The following GLIS3 variants were observed in gnomAD, a reference collection of about 807,000 sequenced individuals.
GLIS3 encodes GLIS family zinc finger 3.
GLIS3 carries 53 observed loss-of-function variants against 78.6 expected under a neutral mutation model. The observed-to-expected ratio is 0.67, with a 90% CI of 0.54 to 0.85. The LOEUF is 0.85. GLIS3 is among the 40% of genes least tolerant of loss of function. GLIS3 has a pLI of 0.00. For missense variants in GLIS3, 1,703 were observed against 1,231.1 expected (o/e 1.38, Z -5.74); for synonymous variants, 684 against 509.9 (o/e 1.34, Z -4.60).
At chr9:4,334,480 T>C (rs1274015684) in intron 2 of GLIS3, among the ~76,000 whole-genome samples, 5 of 152,180 alleles carry the variant, frequency 3.3e-5, no homozygotes, top group Non-Finnish European at 5.9e-5. Flanking sequence ...AAATGCATGT[T>C]CATTAATCAG....
chr9:3,847,527 C>T (rs1819134864), intron 9 of GLIS3, among the ~76,000 whole-genome samples: 2 of 152,242 alleles, frequency 1.3e-5, no homozygotes, highest in African/African-American at 4.8e-5. Context: ...AAACATAGCA[C>T]ATTAATATGG....
intron 2 of GLIS3, among the ~76,000 whole-genome samples, chr9:4,183,312 C>T (rs1586904713): frequency 6.6e-6 from 1 of 152,188 alleles, no homozygotes; most frequent in Admixed American, 6.5e-5. Flanking sequence ...AAGGATGCAA[C>T]ATTAACCATA....
intron 8 of GLIS3, among the ~76,000 whole-genome samples, chr9:3,869,395 C>T (rs550495693): frequency 9.2e-5 from 14 of 152,100 alleles, no homozygotes; most frequent in South Asian, 2.1e-4. Context: ...GTTGTTCAGA[C>T]GCTACATATA....
intron 4 of GLIS3, among the ~76,000 whole-genome samples, chr9:4,012,745 G>A (rs1481097249): frequency 1.4e-5 from 2 of 144,584 alleles, no homozygotes. Flanking sequence ...ACATATCTCT[G>A]GTTTCTTTTT....
intron 2 of GLIS3, among the ~76,000 whole-genome samples, chr9:4,324,111 C>T (rs1290518999): frequency 6.6e-6 from 1 of 152,186 alleles, no homozygotes; most frequent in East Asian, 1.9e-4. Context: ...CTATGTAACT[C>T]CTGCACACAT....
chr9:3,892,220 C>G (rs1005705990), intron 7 of GLIS3, among the ~76,000 whole-genome samples: 11 of 151,886 alleles, frequency 7.2e-5, no homozygotes, highest in Non-Finnish European at 1.3e-4. Context: ...CAGGTCACAG[C>G]TAGAAATAGG....
At chr9:4,473,968 T>A in the GLIS3 span, among the ~76,000 whole-genome samples, 3 of 152,132 alleles carry the variant, frequency 2.0e-5, no homozygotes, top group African/African-American at 7.2e-5. Context: ...GCTTCATGTA[T>A]TAGAAGGCTC....
intron 4 of GLIS3, among the ~76,000 whole-genome samples, chr9:4,117,098 G>C (rs907281905): frequency 2.0e-5 from 3 of 152,150 alleles, no homozygotes; most frequent in Admixed American, 6.5e-5. Context: ...ACTTCCCTCA[G>C]CACCAAAGGC....
At chr9:3,923,164 G>C (rs1371387231) in intron 6 of GLIS3, among the ~76,000 whole-genome samples, 2 of 152,182 alleles carry the variant, frequency 1.3e-5, no homozygotes, top group African/African-American at 4.8e-5. Flanking sequence ...TAATTGCCTT[G>C]TCTCCTTTCA....
rs151006042 is a variant in GLIS3 at position 4,257,238 on chromosome 9, GAGAA to G, written c.388+28796_388+28799del. On this transcript the variant is annotated intron_variant, in intron 2 of 10. Transcript: ENST00000381971. Reference sequence around the variant, plus strand: ...TATTATGCTAAGTATAAGCCACACAGAGAAAGAAAAATAGTGCATGATCTCATAT... The same window carrying G: ...TATTATGCTAAGTATAAGCCACACAGAGAAAAATAGTGCATGATCTCATAT... Among the ~76,000 whole-genome samples the G allele has an allele frequency of 9.2e-5, 14 of 152,144 alleles. No individual in the cohort carries two copies. The East Asian group carries it at 2.7e-3, about 29-fold the overall frequency.
At chr9:3,869,362 C>G (rs867594044) in intron 8 of GLIS3, among the ~76,000 whole-genome samples, 49 of 152,078 alleles carry the variant, frequency 3.2e-4, no homozygotes, top group African/African-American at 1.1e-3. Flanking sequence ...GAAAGAACAG[C>G]AAAGCAACAG....
intron 2 of GLIS3, among the ~76,000 whole-genome samples, chr9:4,195,253 G>A (rs572119508): frequency 4.5e-4 from 50 of 112,112 alleles, no homozygotes; most frequent in African/African-American, 2.2e-3. Flanking sequence ...TGTCTGGGCT[G>A]GTTGAGGCCA....
chr9:4,297,973 G>A (rs925339146), intron 1 of GLIS3, among the ~76,000 whole-genome samples: 3 of 152,148 alleles, frequency 2.0e-5, no homozygotes, highest in Admixed American at 6.5e-5. Flanking sequence ...GACAGCGCCC[G>A]GCGGGGTACG....
rs757601035 is a variant in GLIS3, at chr9:3,879,566, G to A, written c.2158C>T (p.Arg720Ter). 6.2e-7 allele frequency: 1 copy of A among 1,614,040 alleles called. No individual in the cohort carries two copies. The highest frequency in any genetic ancestry group is 8.5e-7 in the Non-Finnish European group (1 of 1,179,994). Residue 720 changes from arginine (R) to a stop codon, truncating the protein, a stop_gained, in exon 8 of 11, where the codon CGA becomes TGA. Transcript: ENST00000381971. LOFTEE classifies it high-confidence loss of function. Reference sequence around the variant, plus strand: ...ACGGCCCCAGCAGCTGTTCCACTTCGGCTTGAATAATTGCTGGAGAAAATG... The same window carrying A: ...ACGGCCCCAGCAGCTGTTCCACTTCAGCTTGAATAATTGCTGGAGAAAATG... ...APIFSSNYSS[R>*]SGTAAGAVPP...
At chr9:3,927,313 C>T (rs938694824) in intron 6 of GLIS3, among the ~76,000 whole-genome samples, 1 of 152,154 alleles carries the variant, frequency 6.6e-6, no homozygotes, top group Admixed American at 6.5e-5. Flanking sequence ...TGGAGAAAAA[C>T]AAAGATGGTT....
intron 2 of GLIS3, among the ~76,000 whole-genome samples, chr9:4,260,949 G>A (rs1407464064): frequency 1.3e-5 from 2 of 152,136 alleles, no homozygotes; most frequent in African/African-American, 4.8e-5. Flanking sequence ...AAATTGAGAT[G>A]TGTATACTAA....
intron 3 of GLIS3, among the ~76,000 whole-genome samples, chr9:4,122,839 T>C (rs1832288694): frequency 6.6e-6 from 1 of 152,232 alleles, no homozygotes; most frequent in South Asian, 2.1e-4. Context: ...CTTGTCATTT[T>C]AGGGGAAATA....
At chr9:4,398,650 C>G in the GLIS3 span, among the ~76,000 whole-genome samples, 18 of 152,116 alleles carry the variant, frequency 1.2e-4, no homozygotes, top group African/African-American at 4.3e-4. Flanking sequence ...CACTATCATT[C>G]TCTGGACTGT....
chr9:4,002,323 T>C (rs1821177149), intron 4 of GLIS3, among the ~76,000 whole-genome samples: 1 of 152,186 alleles, frequency 6.6e-6, no homozygotes. Flanking sequence ...GTAAGTCCAG[T>C]AAAATTCATT....
Sources: gnomAD v4.1 joint callset for allele counts (sites outside exome capture counted in the v4.1 genomes callset) on GRCh38, gnomAD v4.1.1 for gene constraint, MANE v1.5 for transcripts, NCBI Gene and HGNC (gene_info 2026-07-23, HGNC 2026-07-21) for gene names.